ZNF521: variants seen among roughly 807,000 people sequenced by gnomAD.
ZNF521 encodes the protein LYST-interacting protein 3.
ZNF521 carries 14 observed loss-of-function variants against 105.5 expected under a neutral mutation model. That is an observed-to-expected ratio of 0.13 (90% confidence interval 0.09 to 0.21). ZNF521 has a LOEUF of 0.21. Among genes scored for constraint, ZNF521 ranks in the 10% least tolerant of loss-of-function variants. ZNF521 has a pLI of 1.00. For synonymous variants in ZNF521, 635 were observed against 606.0 expected, an observed-to-expected ratio of 1.05 and a Z score of -0.70; for missense variants, 1,233 against 1,629.7, an observed-to-expected ratio of 0.76 and a Z score of 4.19.
Position 25,322,148 on chromosome 18 carries a change from T to C in ZNF521, c.80A>G (p.Glu27Gly). Residue 27 changes from glutamate (E) to glycine (G), a missense_variant, in exon 3 of 8, where the codon GAG (glutamate) becomes GGG (glycine). Glu to Gly is a moderately conservative substitution (Grantham distance 98). Transcript: ENST00000361524. ...CKLEDKTEDGEALDCKKRPED... is the reference protein window; with the variant it reads ...CKLEDKTEDGGALDCKKRPED... The stretch of plus-strand genomic sequence containing the variant: ...CGGCCTCTTCTTACAATCTAGTGCC[T>C]CTCCATCTTCAGTCTTGTCTTCAAG... The C allele has an allele frequency of 1.9e-6, 3 of 1,614,190 alleles. No homozygotes were observed. The East Asian group carries it at 6.7e-5, about 36-fold the overall frequency.
rs778740110 is a variant in ZNF521 at position 25,226,042 on chromosome 18, C to A, written c.1876G>T (p.Ala626Ser). 9 of 1,614,200 alleles carry A rather than the reference C, an allele frequency of 5.6e-6. No homozygotes were observed. Among genetic ancestry groups the A allele is most frequent in the Non-Finnish European group, 7.6e-6 (9 of 1,180,032 alleles). Residue 626 changes from alanine (A) to serine (S), a missense_variant, in exon 4 of 8, where the codon GCA becomes TCA. Physicochemically the swap from Ala to Ser is moderately conservative, Grantham distance 99. Around this residue, in one of 6 missense-constraint regions of ZNF521, gnomAD observed 614 missense variants for 751.5 expected, o/e 0.82. Transcript: ENST00000361524. The surrounding 1 kb of genome is among the most constrained non-coding windows in gnomAD (Gnocchi z 4.1). ...SLKMMQAVGGAPARPTGEYIC... is the reference protein window; with the variant it reads ...SLKMMQAVGGSPARPTGEYIC... ...TATTCTCCAGTGGGACGTGCAGGTG[C>A]ACCTCCTACTGCCTGCATCATCTTA...
chr18:25,081,419 T>A (rs2033493263), intron 7 of ZNF521, among the ~76,000 whole-genome samples: 1 of 152,096 alleles, frequency 6.6e-6, no homozygotes, highest in African/African-American at 2.4e-5. Context: ...TGAGCTGGGG[T>A]GCTGTAGAAA....
intron 5 of ZNF521, among the ~76,000 whole-genome samples, chr18:25,102,450 G>C (rs2033985516): frequency 6.6e-6 from 1 of 151,876 alleles, no homozygotes; most frequent in Non-Finnish European, 1.5e-5. Flanking sequence ...ATAAAATTTA[G>C]AAGGAGCTTG....
rs148000265 is a variant in ZNF521 at position 25,180,909 on chromosome 18, T to C, written c.3658+14251A>G. Among the ~76,000 whole-genome samples, 872 of 152,302 alleles carry C rather than the reference T, an allele frequency of 5.7e-3. 8 individuals carry two copies. The highest frequency in any genetic ancestry group is 0.02 in the African/African-American group (823 of 41,562). On this transcript the variant is annotated intron_variant, in intron 5 of 7. Coordinates refer to ENST00000361524, the MANE Select transcript of ZNF521 (RefSeq NM_015461.3). ...TTACTTTCAGTGAAGCAGCCTACAGTATCTGCCCTGAATTCGTGGTACTCA... is the reference window on the plus strand; with the variant it reads ...TTACTTTCAGTGAAGCAGCCTACAGCATCTGCCCTGAATTCGTGGTACTCA...
At chr18:25,089,416 T>A in intron 7 of ZNF521, 49 bp downstream of exon 7, 1 of 1,406,020 alleles carries the variant, frequency 7.1e-7, no homozygotes, top group Non-Finnish European at 1.0e-6. Flanking sequence ...CTGTTTACTA[T>A]AAGAATAGCA....
intron 2 of ZNF521, among the ~76,000 whole-genome samples, chr18:25,330,487 A>C (rs2145173767): frequency 6.6e-6 from 1 of 152,240 alleles, no homozygotes. Flanking sequence ...TTAACCTAGT[A>C]CCAGAGGTTT....
At chr18:25,142,542 G>A (rs543608816) in intron 5 of ZNF521, among the ~76,000 whole-genome samples, 1 of 152,012 alleles carries the variant, frequency 6.6e-6, no homozygotes, top group Admixed American at 6.6e-5. Context: ...GAGTTCTTGG[G>A]ACTTCTTTTC....
intron 5 of ZNF521, among the ~76,000 whole-genome samples, chr18:25,169,059 C>G (rs149754759): frequency 9.9e-4 from 150 of 152,188 alleles, no homozygotes; most frequent in African/African-American, 3.4e-3. Context: ...TTTCCTGGCA[C>G]TATATTATAA....
At chr18:25,299,759 T>C (rs1300490780) in intron 3 of ZNF521, among the ~76,000 whole-genome samples, 2 of 152,178 alleles carry the variant, frequency 1.3e-5, no homozygotes, top group East Asian at 1.9e-4. Flanking sequence ...AGAAATTACA[T>C]TGTATAAGTC....
intron 5 of ZNF521, among the ~76,000 whole-genome samples, chr18:25,193,597 A>AT (rs899882882): frequency 1.6e-4 from 24 of 152,092 alleles, no homozygotes; most frequent in African/African-American, 5.5e-4. Flanking sequence ...GCAGGAATTC[A>AT]TTTTTTCTAA....
chr18:25,146,152 A>G (rs1452394063), intron 5 of ZNF521, among the ~76,000 whole-genome samples: 2 of 152,198 alleles, frequency 1.3e-5, no homozygotes, highest in Non-Finnish European at 2.9e-5. Context: ...TCACACAGCT[A>G]GCAAGTGCAG....
intron 2 of ZNF521, among the ~76,000 whole-genome samples, chr18:25,337,728 A>G (rs1294785851): frequency 6.6e-6 from 1 of 152,200 alleles, no homozygotes; most frequent in Non-Finnish European, 1.5e-5. Flanking sequence ...TTAAATGCAC[A>G]TTATCTTTAA....
intron 7 of ZNF521, among the ~76,000 whole-genome samples, chr18:25,077,058 T>C (rs2033378506): frequency 6.6e-6 from 1 of 152,228 alleles, no homozygotes; most frequent in African/African-American, 2.4e-5. Flanking sequence ...CAGTGTATTG[T>C]TGTGGCCCTC....
intron 3 of ZNF521, among the ~76,000 whole-genome samples, chr18:25,290,202 A>G (rs560781410): frequency 6.6e-6 from 1 of 152,360 alleles, no homozygotes; most frequent in South Asian, 2.1e-4. Context: ...GAGTAACTGA[A>G]GAAGGCGCTT....
intron 7 of ZNF521, among the ~76,000 whole-genome samples, chr18:25,074,217 T>C (rs1347445679): frequency 6.6e-6 from 1 of 152,246 alleles, no homozygotes; most frequent in East Asian, 1.9e-4. Context: ...GCCTTTGATC[T>C]TTCTGTCTCT....
intron 5 of ZNF521, among the ~76,000 whole-genome samples, chr18:25,127,107 A>C (rs2034552331): frequency 6.6e-6 from 1 of 152,032 alleles, no homozygotes; most frequent in African/African-American, 2.4e-5. Context: ...TGGGGGATGC[A>C]ATTGAGGGAG....
At chr18:25,244,218 G>A (rs1212629608) in intron 3 of ZNF521, among the ~76,000 whole-genome samples, 1 of 152,054 alleles carries the variant, frequency 6.6e-6, no homozygotes, top group African/African-American at 2.4e-5. Flanking sequence ...CTCTGCCAGT[G>A]CAGAAGTTCT....
chr18:25,341,465 T>A (rs918137632), intron 2 of ZNF521, among the ~76,000 whole-genome samples: 2 of 152,206 alleles, frequency 1.3e-5, no homozygotes, highest in Non-Finnish European at 2.9e-5. Flanking sequence ...CATTGCACGA[T>A]TAACTTTCAA....
In ZNF521 at chr18:25,247,220, G is replaced by C. The variant is rs144167903; in HGVS notation, c.221-19523C>G. ...CACACATGTAAACATATGATCACAA[G>C]GCAAGGAAATCAGGAATGTTAATAG... is the stretch of plus-strand genomic sequence containing the variant. On this transcript the variant is annotated intron_variant, in intron 3 of 7. Transcript: ENST00000361524. 2.0e-3 allele frequency among the ~76,000 whole-genome samples: 304 copies of C among 152,250 alleles called. 1 individual carries two copies. The highest frequency in any genetic ancestry group is 6.5e-3 in the African/African-American group (272 of 41,540).
Sources: gnomAD v4.1 joint callset for allele counts (sites outside exome capture counted in the v4.1 genomes callset) on GRCh38, gnomAD v4.1.1 for gene constraint, gnomAD v4.1.1 regional missense constraint, Gnocchi (gnomAD v3.1) non-coding constraint, MANE v1.5 for transcripts, NCBI Gene and HGNC (gene_info 2026-07-23, HGNC 2026-07-21) for gene names.